HERC3: variants seen among roughly 807,000 people sequenced by gnomAD.
HERC3 encodes probable E3 ubiquitin-protein ligase HERC3.
A neutral mutation model predicts 129.9 loss-of-function variants in HERC3; 58 were observed. That is an observed-to-expected ratio of 0.45 (90% CI 0.36 to 0.56). The LOEUF is 0.56. HERC3 is among the 20% of genes least tolerant of loss of function. The probability of loss-of-function intolerance (pLI) is 0.00; values close to 1 mark genes in which losing one functional copy is unlikely to be tolerated. For missense variants in HERC3, 835 were observed against 1,244.2 expected (o/e 0.67, Z 4.95); for synonymous variants, 430 against 451.0 (o/e 0.95, Z 0.59).
At chr4:88,641,846 C>T (rs1164001945) in intron 3 of HERC3, among the ~76,000 whole-genome samples, 6 of 152,022 alleles carry the variant, frequency 3.9e-5, no homozygotes, top group Non-Finnish European at 5.9e-5. Context: ...TGGCCGGGCA[C>T]GGTGCTCATG....
chr4:88,558,900 G>A, the HERC3 span, among the ~76,000 whole-genome samples: 4 of 151,332 alleles, frequency 2.6e-5, no homozygotes, highest in Non-Finnish European at 4.4e-5. Flanking sequence ...CCCAGGAGGC[G>A]GAGCTTGCAG....
the HERC3 span, among the ~76,000 whole-genome samples, chr4:88,569,934 A>G: frequency 6.6e-6 from 1 of 152,176 alleles, no homozygotes; most frequent in East Asian, 1.9e-4. Flanking sequence ...GGTGCTGCCT[A>G]ATTTAATTCC....
intron 3 of HERC3, among the ~76,000 whole-genome samples, chr4:88,630,549 C>T (rs557986073): frequency 1.4e-4 from 22 of 152,176 alleles, no homozygotes; most frequent in Middle Eastern, 3.4e-3. Flanking sequence ...GTATGGAAGC[C>T]GGTGCTGTAG....
the HERC3 span, among the ~76,000 whole-genome samples, chr4:88,574,950 A>G: frequency 6.6e-6 from 1 of 152,208 alleles, no homozygotes; most frequent in Non-Finnish European, 1.5e-5. Context: ...TGGCTGGGTC[A>G]TATGGAATTA....
intron 9 of HERC3, chr4:88,657,497 G>C (rs983348679): frequency 2.0e-5 from 3 of 152,162 alleles, no homozygotes; most frequent in African/African-American, 7.2e-5. Context: ...GTACTCATAC[G>C]TGGAATACAT....
intron 23 of HERC3, among the ~76,000 whole-genome samples, chr4:88,691,090 A>T (rs1271831912): frequency 6.6e-6 from 1 of 152,248 alleles, no homozygotes; most frequent in Non-Finnish European, 1.5e-5. Flanking sequence ...GAAAGTAGAG[A>T]AGAGGATATA....
the HERC3 span, among the ~76,000 whole-genome samples, chr4:88,568,025 A>T: frequency 6.6e-6 from 1 of 152,246 alleles, no homozygotes; most frequent in South Asian, 2.1e-4. Flanking sequence ...CAAAGCTAGT[A>T]TGCAGACTTG....
chr4:88,607,837 C>G (rs1723840225), intron 3 of HERC3, among the ~76,000 whole-genome samples: 1 of 152,148 alleles, frequency 6.6e-6, no homozygotes, highest in Non-Finnish European at 1.5e-5. Context: ...ATAAGGTCCT[C>G]TTAGTAGTGA....
chr4:88,706,226 G>C (rs1735765860), intron 25 of HERC3, among the ~76,000 whole-genome samples: 1 of 152,170 alleles, frequency 6.6e-6, no homozygotes, highest in African/African-American at 2.4e-5. Flanking sequence ...TTCAGCACTA[G>C]AAAACAAGGA....
At chr4:88,546,658 T>A in the HERC3 span, among the ~76,000 whole-genome samples, 2 of 152,180 alleles carry the variant, frequency 1.3e-5, no homozygotes, top group Non-Finnish European at 2.9e-5. Context: ...ACTACAGGCG[T>A]GCGCCACCAT....
Position 88,676,376 on chromosome 4 carries a change from C to T in HERC3, c.1978C>T (p.Gln660Ter). 1 of 1,612,850 alleles carries T rather than the reference C, an allele frequency of 6.2e-7. No homozygotes were observed. Among genetic ancestry groups the T allele is most frequent in the Non-Finnish European group, 8.5e-7 (1 of 1,178,964 alleles). Residue 660 changes from glutamine to a stop codon, truncating the protein, a stop_gained, in exon 18 of 26, where the codon CAA becomes TAA. Transcript: ENST00000402738. LOFTEE classifies it high-confidence loss of function. ...LCSYPFIFDA[Q>*]AKTKMLQTDA... is the part of the protein sequence containing the mutation. ...TTCCTACCCTTTCATCTTTGATGCC[C>T]AAGCCAAGACCAAAATGTTACAGAC...
chr4:88,605,453 A>T (rs1217058430), intron 2 of HERC3, among the ~76,000 whole-genome samples: 1 of 152,200 alleles, frequency 6.6e-6, no homozygotes, highest in Admixed American at 6.5e-5. Context: ...AGTAATTTCA[A>T]AACTGTTACT....
chr4:88,679,068 GCT>G (rs1225678692), intron 19 of HERC3, among the ~76,000 whole-genome samples: 13 of 152,184 alleles, frequency 8.5e-5, no homozygotes, highest in Non-Finnish European at 1.5e-4. Context: ...ACAAGTGTAA[GCT>G]TTGTTGAATG....
intron 14 of HERC3, among the ~76,000 whole-genome samples, chr4:88,669,181 G>C (rs1731353599): frequency 6.6e-6 from 1 of 152,130 alleles, no homozygotes. Flanking sequence ...GCAGTTGTCA[G>C]TATTTTGCCC....
chr4:88,563,317 A>T, the HERC3 span, among the ~76,000 whole-genome samples: 1 of 152,180 alleles, frequency 6.6e-6, no homozygotes, highest in African/African-American at 2.4e-5. Flanking sequence ...GGCATATATA[A>T]TAGAAATGCT....
At chr4:88,640,668 T>A (rs1303691066) in intron 3 of HERC3, among the ~76,000 whole-genome samples, 1 of 151,632 alleles carries the variant, frequency 6.6e-6, no homozygotes, top group Non-Finnish European at 1.5e-5. Context: ...CAAACCACCA[T>A]GGCACATGTA....
chr4:88,625,947 T>C (rs1726050550), intron 3 of HERC3, among the ~76,000 whole-genome samples: 1 of 152,204 alleles, frequency 6.6e-6, no homozygotes, highest in Non-Finnish European at 1.5e-5. Context: ...GTAAATTGCA[T>C]TGATTATGTT....
chr4:88,639,446 C>T (rs1180322510), intron 3 of HERC3, among the ~76,000 whole-genome samples: 1 of 152,072 alleles, frequency 6.6e-6, no homozygotes, highest in Non-Finnish European at 1.5e-5. Context: ...CATCTGCAAC[C>T]ATATGATCTT....
intron 21 of HERC3, among the ~76,000 whole-genome samples, chr4:88,684,120 C>T (rs2924363): frequency 0.33 from 50,073 of 151,960 alleles, 9,789 homozygotes; most frequent in African/African-American, 0.53. Context: ...AAAAAACTAC[C>T]TTAAATTTCA....
Sources: gnomAD v4.1 joint callset for allele counts (sites outside exome capture counted in the v4.1 genomes callset) on GRCh38, gnomAD v4.1.1 for gene constraint, MANE v1.5 for transcripts, NCBI Gene and HGNC (gene_info 2026-07-23, HGNC 2026-07-21) for gene names.